ITIH4: variants seen among roughly 807,000 people sequenced by gnomAD.
The protein encoded by ITIH4 is inter-alpha-trypsin inhibitor heavy chain H4.
ITIH4 carries 79 observed loss-of-function variants against 111.8 expected under a neutral mutation model. That is an observed-to-expected ratio of 0.71 (90% confidence interval 0.59 to 0.85). The LOEUF is 0.85. Ranked by LOEUF, ITIH4 falls within the 40% of genes least tolerant of loss-of-function variation. The pLI is 0.00. For missense variants in ITIH4, 1,065 were observed against 1,195.8 expected (o/e 0.89, Z 1.61); for synonymous variants, 472 against 468.3 (o/e 1.01, Z -0.10).
chr3:52,821,626 G>T (rs914446347), intron 11 of ITIH4, among the ~76,000 whole-genome samples: 1 of 151,554 alleles, frequency 6.6e-6, no homozygotes, highest in Non-Finnish European at 1.5e-5. Context: ...CCACCCCAAC[G>T]GCTGTCCCTG....
At position 52,813,996 on chromosome 3, in the gene ITIH4, C is replaced by T; in HGVS notation, c.2702G>A (p.Gly901Asp). ...DDGRRTLRVQ[G>D]NDHSATRERR... ...TCACCTGGTGGCAGAGTGGTCATTG[C>T]CCTGAACCCTCAGCGTGCGTCTGCC... The change falls in exon 23 of 24, where the codon GGC (glycine) becomes GAC (aspartate). Residue 901 changes from glycine (G) to aspartate (D), a missense_variant. Gly to Asp is a moderately conservative substitution (Grantham distance 94). Transcript: ENST00000266041. The T allele has an allele frequency of 2.5e-6, 4 of 1,613,056 alleles. No homozygotes were observed. The highest frequency in any genetic ancestry group is 2.5e-6 in the Non-Finnish European group (3 of 1,179,766).
At chr3:52,819,003 C>T in intron 17 of ITIH4, 1 of 294,190 alleles carries the variant, frequency 3.4e-6, no homozygotes, top group Non-Finnish European at 6.5e-6. Flanking sequence ...CATGCTTGGC[C>T]AGTCCGTGCC....
At chr3:52,818,621 G>GC in intron 17 of ITIH4, 85 bp from the exon 18 acceptor site, 1 of 1,143,312 alleles carries the variant, frequency 8.7e-7, no homozygotes, top group South Asian at 1.3e-5. Context: ...CCAAGCTCCA[G>GC]CCCCCCATCC....
At chr3:52,822,756 C>G (rs528084406) in intron 11 of ITIH4, among the ~76,000 whole-genome samples, 1 of 152,218 alleles carries the variant, frequency 6.6e-6, no homozygotes, top group East Asian at 1.9e-4. Context: ...GGGCCCCCAA[C>G]GCCCACTCCT....
rs745387642 is a variant in ITIH4, at chr3:52,813,986, G to A, written c.2712C>T (p.His904=). The A allele has an allele frequency of 3.6e-5, 58 of 1,612,522 alleles. 1 individual carries two copies. In the South Asian group the frequency reaches 4.4e-4, roughly 12 times the overall value. Residue 904 remains histidine, a synonymous_variant, in exon 23 of 24, where the codon CAC becomes CAT. Transcript: ENST00000266041. ...TTGTGCCAAGTCACCTGGTGGCAGA[G>A]TGGTCATTGCCCTGAACCCTCAGCG... is the stretch of plus-strand genomic sequence containing the variant. The part of the protein sequence containing the change: ...RRTLRVQGND[H]SATRERRLDY...
chr3:52,830,382 A>C (rs1700549658), intron 1 of ITIH4, 171 bp downstream of exon 1: 1 of 718,092 alleles, frequency 1.4e-6, no homozygotes, highest in African/African-American at 1.7e-5. Context: ...GTGGGAGAAT[A>C]CCAGTAAGGC....
intron 16 of ITIH4, 49 bp from the exon 17 acceptor site, chr3:52,819,567 C>G (rs1700339740): frequency 6.2e-7 from 1 of 1,611,962 alleles, no homozygotes; most frequent in African/African-American, 1.3e-5. Context: ...GGGTGTGGGT[C>G]TTCACAGCCA....
chr3:52,824,098 C>G lies in ITIH4; in HGVS notation c.1171+92G>C. 1 of 1,574,048 alleles carries G rather than the reference C, an allele frequency of 6.4e-7. No individual in the cohort carries two copies. Among genetic ancestry groups the G allele is most frequent in the Non-Finnish European group, 8.6e-7 (1 of 1,156,906 alleles). The stretch of plus-strand genomic sequence containing the variant: ...AGAGCCGAGGGGCCTCAGTGACCCC[C>G]TCTCCCTGCCCAGATCCCACAGCAA... On this transcript the variant is annotated intron_variant, in intron 9 of 23. Coordinates refer to ENST00000266041, the MANE Select transcript of ITIH4 (RefSeq NM_002218.5). The surrounding 1 kb of genome is among the most constrained non-coding windows in gnomAD (Gnocchi z 4.3).
At position 52,824,894 on chromosome 3, in the gene ITIH4, A is replaced by G. The variant is rs1700458584; in HGVS notation, c.824T>C (p.Val275Ala). 1.2e-6 allele frequency: 2 copies of G among 1,614,102 alleles called. No individual in the cohort carries two copies. The highest frequency in any genetic ancestry group is 1.7e-4 in the Middle Eastern group (1 of 6,060). ...PEGLTTMPKN[V>A]VFVIDKSGSM... ...GCCGCTCTTGTCAATGACAAAGACC[A>G]CATTCTTGGGCATTGTGGTTAGGCC... Residue 275 changes from valine to alanine, a missense_variant, in exon 7 of 24, where the codon GTG becomes GCG. Physicochemically the swap from Val to Ala is moderately conservative, Grantham distance 64 (BLOSUM62 0). Transcript: ENST00000266041. This position sits in a 1 kb window ranked among gnomAD's most constrained non-coding sequence, Gnocchi z 4.3.
In ITIH4 at chr3:52,820,627, C is replaced by A. The variant is rs200903345; in HGVS notation, c.1834+4G>T. 67 of 1,605,528 alleles carry A rather than the reference C, an allele frequency of 4.2e-5. No individual in the cohort carries two copies. Among genetic ancestry groups the A allele is most frequent in the Non-Finnish European group, 5.7e-5 (67 of 1,174,920 alleles). On this transcript the variant is annotated splice_donor_region_variant and intron_variant, in intron 13 of 23. Coordinates refer to ENST00000266041, the MANE Select transcript of ITIH4 (RefSeq NM_002218.5). ...GGAGGCTGAGATCTCAACCCCACAC[C>A]CACCGCCTTCCATGGGCTTCTCAGC...
At chr3:52,816,539 C>T (rs1003931591) in intron 21 of ITIH4, among the ~76,000 whole-genome samples, 1 of 152,190 alleles carries the variant, frequency 6.6e-6, no homozygotes, top group Non-Finnish European at 1.5e-5. Context: ...TCCCCCCAGC[C>T]TTCTGACTCT....
chr3:52,813,141 G>A lies in ITIH4; in HGVS notation c.*280C>T, dbSNP rs988357451. On this transcript the variant is annotated 3_prime_UTR_variant, in exon 24 of 24. Coordinates refer to ENST00000266041, the MANE Select transcript of ITIH4 (RefSeq NM_002218.5). ...TCCTTGTTTGTAAAATGAAGGGGCT[G>A]GACTGAAAGCTCAGCATGGGCCTTC... is the stretch of plus-strand genomic sequence containing the variant. 3.2e-5 allele frequency: 14 copies of A among 432,684 alleles called. No homozygotes were observed. The highest frequency in any genetic ancestry group is 2.0e-4 in the African/African-American group (10 of 49,552). 26.8% of individuals were successfully genotyped at this position (432,684 alleles called of 1,614,324 possible). A position where few individuals can be genotyped will look rare whatever the true frequency, so the allele number is the denominator to read the frequency against.
chr3:52,820,165 C>T, intron 14 of ITIH4, 126 bp downstream of exon 14: 2 of 1,381,862 alleles, frequency 1.4e-6, no homozygotes, highest in Non-Finnish European at 2.0e-6. Context: ...CTCCTGGCAG[C>T]AGGGATGGGC....
intron 21 of ITIH4, among the ~76,000 whole-genome samples, chr3:52,815,150 C>T (rs899155287): frequency 2.0e-5 from 3 of 152,118 alleles, no homozygotes; most frequent in Non-Finnish European, 2.9e-5. Context: ...TAAGACCCTG[C>T]TGTTACTCAG....
At position 52,823,596 on chromosome 3, in the gene ITIH4, C is replaced by T. The variant is rs199688247; in HGVS notation, c.1499G>A (p.Arg500Gln). The T allele has an allele frequency of 5.6e-5, 91 of 1,613,276 alleles. No homozygotes were observed. The Middle Eastern group carries it at 1.0e-3, about 18-fold the overall frequency. The change falls in exon 11 of 24, where the codon CGG becomes CAG. Residue 500 changes from arginine to glutamine, a missense_variant. Transcript: ENST00000266041. ...EMVVAGKLQD[R>Q]GPDVLTATVS... is the part of the protein sequence containing the mutation. ...TGTGGCTGTGAGCACATCAGGCCCC[C>T]GGTCCTGGAGCTTCCCAGCCACCAC...
rs149269947 is a variant in ITIH4 at position 52,817,351 on chromosome 3, C to T, written c.2297-293G>A. ...GTCTCCAGTCAATAAGCCTTCAGAA[C>T]GCCCCATGGAGCGCCTGGCCCTGAG... On this transcript the variant is annotated intron_variant, in intron 20 of 23. Coordinates refer to ENST00000266041, the MANE Select transcript of ITIH4 (RefSeq NM_002218.5). 5.1e-4 allele frequency among the ~76,000 whole-genome samples: 78 copies of T among 152,350 alleles called. No individual in the cohort carries two copies. The East Asian group carries it at 0.013, about 26-fold the overall frequency.
At chr3:52,819,134 T>C (rs775870659) in intron 17 of ITIH4, 4 of 469,372 alleles carry the variant, frequency 8.5e-6, no homozygotes, top group Non-Finnish European at 1.6e-5. Context: ...TCTGAGGAGA[T>C]GAGACGCTAA....
chr3:52,826,521 G>A lies in ITIH4; in HGVS notation c.630+20C>T, dbSNP rs766009732. The A allele has an allele frequency of 1.9e-6, 3 of 1,589,412 alleles. No individual in the cohort carries two copies. Among genetic ancestry groups the A allele is most frequent in the Non-Finnish European group, 2.6e-6 (3 of 1,157,794 alleles). ...GGCAGGGCCCTTGGTACCCTCACCTGCTGACCACAACAGGCCCACCTTGGT... is the reference window on the plus strand; with the variant it reads ...GGCAGGGCCCTTGGTACCCTCACCTACTGACCACAACAGGCCCACCTTGGT... On this transcript the variant is annotated intron_variant, in intron 5 of 23. Coordinates refer to ENST00000266041, the MANE Select transcript of ITIH4 (RefSeq NM_002218.5).
Position 52,830,656 on chromosome 3 carries a change from T to C in ITIH4, c.-14A>G, listed in dbSNP as rs1289647671. The stretch of plus-strand genomic sequence containing the variant: ...TGGGGGCTTCATCGTGGCTCCAGTG[T>C]CTGCCAGGAGGCTTCTGAACTCGAC... On this transcript the variant is annotated 5_prime_UTR_variant, in exon 1 of 24. Coordinates refer to ENST00000266041, the MANE Select transcript of ITIH4 (RefSeq NM_002218.5). 1.3e-6 allele frequency: 2 copies of C among 1,596,742 alleles called. No individual in the cohort carries two copies. The highest frequency in any genetic ancestry group is 2.2e-5 in the South Asian group (2 of 88,960).
Sources: allele counts gnomAD v4.1 joint callset (sites outside exome capture counted in the v4.1 genomes callset), GRCh38; gene constraint gnomAD v4.1.1; non-coding constraint Gnocchi (gnomAD v3.1); transcripts MANE v1.5; gene names NCBI Gene and HGNC (gene_info 2026-07-23, HGNC 2026-07-21).